The following CDH9 variants were observed in gnomAD, a reference collection of about 807,000 sequenced individuals.
CDH9 encodes cadherin-9.
A neutral mutation model predicts 70.9 loss-of-function variants in CDH9; 28 were observed. The ratio of observed to expected loss-of-function variants is 0.40; its 90% CI spans 0.29 to 0.54. The LOEUF (loss-of-function observed/expected upper bound fraction) is 0.54. Ranked by LOEUF, CDH9 falls within the 20% of genes least tolerant of loss-of-function variation. The probability of loss-of-function intolerance (pLI) is 0.59; values close to 1 mark genes in which losing one functional copy is unlikely to be tolerated. For synonymous variants in CDH9, 409 were observed against 343.1 expected (o/e 1.19, Z -2.12); for missense variants, 874 against 984.4 (o/e 0.89, Z 1.50).
intron 2 of CDH9, among the ~76,000 whole-genome samples, chr5:26,981,211 G>A (rs896005335): frequency 1.3e-5 from 2 of 151,862 alleles, no homozygotes; most frequent in Admixed American, 6.6e-5. Context: ...ATCATCCCTC[G>A]GTATCCGTGG....
intron 5 of CDH9, 137 bp downstream of exon 5, chr5:26,905,821 TG>T (rs1740936100): frequency 1.1e-5 from 7 of 616,762 alleles, no homozygotes; most frequent in Non-Finnish European, 1.4e-5. Flanking sequence ...GTTTTTTTTT[TG>T]GTAGAGGAAT....
In CDH9 at chr5:26,902,222, A is replaced by T. The variant is rs548678524; in HGVS notation, c.1253+254T>A. The stretch of plus-strand genomic sequence containing the variant: ...TTATCCTCCCCAAAAACAAATTATA[A>T]TACTATCTACCTTGTACCCAGAGCA... On this transcript the variant is annotated intron_variant, in intron 7 of 11. Transcript: ENST00000231021. 5.4e-4 allele frequency among the ~76,000 whole-genome samples: 82 copies of T among 152,068 alleles called. 3 individuals are homozygous for T. In the South Asian group the frequency reaches 0.017, roughly 31 times the overall value.
intron 2 of CDH9, among the ~76,000 whole-genome samples, chr5:26,920,108 A>G (rs1741218427): frequency 6.6e-6 from 1 of 151,950 alleles, no homozygotes; most frequent in South Asian, 2.1e-4. Context: ...TGGCTCTTGA[A>G]CAGCATTTCT....
intron 2 of CDH9, among the ~76,000 whole-genome samples, chr5:26,972,481 G>A (rs947092532): frequency 1.3e-5 from 2 of 152,034 alleles, no homozygotes; most frequent in South Asian, 2.1e-4. Context: ...GAATACTCAC[G>A]TTCTGCCATT....
At chr5:27,033,657 A>G (rs1190930073) in intron 1 of CDH9, among the ~76,000 whole-genome samples, 1 of 151,462 alleles carries the variant, frequency 6.6e-6, no homozygotes, top group African/African-American at 2.4e-5. Context: ...AAAAAAACAC[A>G]ATTTTTTTAT....
In CDH9 at chr5:27,035,785, T is replaced by C. The variant is rs1287098794; in HGVS notation, c.-50+2678A>G. On this transcript the variant is annotated intron_variant, in intron 1 of 11. Coordinates refer to ENST00000231021, the MANE Select transcript of CDH9 (RefSeq NM_016279.4). The stretch of plus-strand genomic sequence containing the variant: ...CATTGGACATTTTTTAAGATATCTT[T>C]TTTCTAATATAAGATTATTTCTACA... Among the ~76,000 whole-genome samples the C allele has an allele frequency of 3.3e-5, 5 of 151,704 alleles. No individual in the cohort carries two copies. In the East Asian group the frequency reaches 9.7e-4, roughly 30 times the overall value.
intron 9 of CDH9, among the ~76,000 whole-genome samples, chr5:26,886,479 T>C (rs1740569197): frequency 6.6e-6 from 1 of 151,998 alleles, no homozygotes; most frequent in African/African-American, 2.4e-5. Context: ...AAAGGACGAG[T>C]ACACAGAAGA....
intron 2 of CDH9, among the ~76,000 whole-genome samples, chr5:26,976,694 T>G (rs1024225552): frequency 4.6e-5 from 7 of 152,262 alleles, no homozygotes; most frequent in African/African-American, 1.4e-4. Context: ...CTAATTTTTA[T>G]GCATATTTGA....
chr5:26,885,335 A>G (rs1470152138), intron 11 of CDH9, among the ~76,000 whole-genome samples: 1 of 152,150 alleles, frequency 6.6e-6, no homozygotes, highest in East Asian at 1.9e-4. Flanking sequence ...AGAACAGTGA[A>G]CATAGTCAAA....
chr5:26,881,487 G>A lies in CDH9; in HGVS notation c.2019C>T (p.Asp673=), dbSNP rs200587118. ...CCTCTGGATTCCTTAATGTGCCAAT[G>A]TCAAAAGCTTGGGTATCTTCTTCCC... is the stretch of plus-strand genomic sequence containing the variant. ...GGGEEDTQAF[D]IGTLRNPEAR... Residue 673 remains aspartate (D), a synonymous_variant, in exon 12 of 12, where the codon GAC becomes GAT. Transcript: ENST00000231021. The A allele has an allele frequency of 1.2e-6, 2 of 1,613,776 alleles. No individual in the cohort carries two copies. The highest frequency in any genetic ancestry group is 4.5e-5 in the East Asian group (2 of 44,868).
At chr5:27,002,194 A>G (rs1482072464) in intron 1 of CDH9, among the ~76,000 whole-genome samples, 5 of 152,208 alleles carry the variant, frequency 3.3e-5, no homozygotes, top group Non-Finnish European at 5.9e-5. Flanking sequence ...TGGCCATCAG[A>G]GAAATGCAAA....
chr5:26,973,022 C>A (rs566298937), intron 2 of CDH9, among the ~76,000 whole-genome samples: 1 of 152,216 alleles, frequency 6.6e-6, no homozygotes, highest in East Asian at 1.9e-4. Context: ...TGCTACCACA[C>A]TCGGCTAATT....
intron 2 of CDH9, among the ~76,000 whole-genome samples, chr5:26,969,341 C>T (rs1232314119): frequency 6.6e-6 from 1 of 152,056 alleles, no homozygotes; most frequent in Non-Finnish European, 1.5e-5. Flanking sequence ...TCATAATCCC[C>T]TGCCAAGTAT....
intron 1 of CDH9, among the ~76,000 whole-genome samples, chr5:27,020,099 C>A (rs932029113): frequency 2.0e-5 from 3 of 151,552 alleles, no homozygotes; most frequent in African/African-American, 7.3e-5. Context: ...CTTGTGATGG[C>A]ATTAATATTT....
intron 1 of CDH9, among the ~76,000 whole-genome samples, chr5:27,020,021 A>C (rs1743110563): frequency 6.6e-6 from 1 of 151,780 alleles, no homozygotes; most frequent in South Asian, 2.1e-4. Context: ...GGAACAGGTG[A>C]TATTAACTTA....
chr5:26,994,556 TTTG>T (rs1742636503), intron 1 of CDH9, among the ~76,000 whole-genome samples: 3 of 151,918 alleles, frequency 2.0e-5, no homozygotes, highest in Middle Eastern at 3.4e-3. Flanking sequence ...TGTTTGTTTG[TTTG>T]TTTGTTTTGT....
chr5:26,891,414 C>T (rs1186977355), intron 7 of CDH9, among the ~76,000 whole-genome samples: 1 of 152,182 alleles, frequency 6.6e-6, no homozygotes, highest in Non-Finnish European at 1.5e-5. Context: ...TGCGGTGGCT[C>T]ACGCCTGTAA....
At chr5:26,969,136 A>G (rs928776804) in intron 2 of CDH9, among the ~76,000 whole-genome samples, 1 of 152,184 alleles carries the variant, frequency 6.6e-6, no homozygotes, top group Admixed American at 6.5e-5. Context: ...ACAATCTTCA[A>G]TGAACTGATA....
rs34714145 is a variant in CDH9, at chr5:26,971,766, T to TAC, written c.228+16338_228+16339dup. 2.4e-3 allele frequency among the ~76,000 whole-genome samples: 368 copies of TAC among 151,068 alleles called. 1 individual carries two copies. The highest frequency in any genetic ancestry group is 8.1e-3 in the African/African-American group (334 of 41,134). On this transcript the variant is annotated intron_variant, in intron 2 of 11. Coordinates refer to ENST00000231021, the MANE Select transcript of CDH9 (RefSeq NM_016279.4). The stretch of plus-strand genomic sequence containing the variant: ...CAGCCTGCACACAAGTGCATTAAAA[T>TAC]ACACACACACACACACCCATATGTG...
Sources: gnomAD v4.1 joint callset for allele counts (sites outside exome capture counted in the v4.1 genomes callset) on GRCh38, gnomAD v4.1.1 for gene constraint, MANE v1.5 for transcripts, NCBI Gene and HGNC (gene_info 2026-07-23, HGNC 2026-07-21) for gene names.